Variants in ZNF578 observed in about 807,000 individuals in gnomAD.
ZNF578 encodes the protein Putative chemokine-related protein B42.
A neutral mutation model predicts 8.3 loss-of-function variants in ZNF578; 8 were observed. That is an observed-to-expected ratio of 0.96 (90% CI 0.56 to 1.74). The LOEUF is 1.74. Ranked by LOEUF, ZNF578 falls within the 40% of genes most tolerant of loss-of-function variation. The pLI is 0.00. For synonymous variants in ZNF578, 206 were observed against 232.2 expected, an observed-to-expected ratio of 0.89 and a Z score of 1.03; for missense variants, 726 against 707.5, an observed-to-expected ratio of 1.03 and a Z score of -0.30.
At chr19:52,498,683 G>GC (rs1465259327) in intron 3 of ZNF578, among the ~76,000 whole-genome samples, 3 of 61,704 alleles carry the variant, frequency 4.9e-5, no homozygotes, top group African/African-American at 3.7e-4. Flanking sequence ...TCGCCTGGCC[G>GC]CTTTTTTTTT....
intron 2 of ZNF578, among the ~76,000 whole-genome samples, chr19:52,470,001 C>A (rs569762798): frequency 1.3e-5 from 2 of 152,228 alleles, no homozygotes; most frequent in Admixed American, 1.3e-4. Context: ...GAGCATGTAA[C>A]TTGACATGGG....
At chr19:52,506,171 T>G (rs2059424944) in intron 5 of ZNF578, among the ~76,000 whole-genome samples, 1 of 152,154 alleles carries the variant, frequency 6.6e-6, no homozygotes, top group African/African-American at 2.4e-5. Context: ...ACTGCTGGGA[T>G]TACAGTCATG....
chr19:52,510,455 G>T (rs2059440383), intron 5 of ZNF578, 117 bp from the exon 6 acceptor site: 5 of 1,327,592 alleles, frequency 3.8e-6, no homozygotes, highest in Admixed American at 5.5e-5. Context: ...CGTAAACTTT[G>T]AAGATCATGT....
At chr19:52,498,704 A>G (rs1215657702) in intron 3 of ZNF578, among the ~76,000 whole-genome samples, 10 of 47,056 alleles carry the variant, frequency 2.1e-4, no homozygotes, top group South Asian at 5.8e-4. Context: ...TTTTTTTTGT[A>G]AGACAGAGTG....
At position 52,512,002 on chromosome 19, in the gene ZNF578, T is replaced by A. The variant is rs2059450309; in HGVS notation, c.1621T>A (p.Cys541Ser). The A allele has an allele frequency of 6.2e-7, 1 of 1,613,956 alleles. No homozygotes were observed. Among genetic ancestry groups the A allele is most frequent in the African/African-American group, 1.3e-5 (1 of 74,896 alleles). Reference protein sequence around the residue: ...RLHTGEKPYKCKVCDKAFMCH... With the variant: ...RLHTGEKPYKSKVCDKAFMCH... ...TCATACTGGAGAGAAACCTTACAAA[T>A]GTAAGGTTTGTGACAAGGCTTTCAT... is the stretch of plus-strand genomic sequence containing the variant. The change falls in exon 6 of 6, where the codon TGT becomes AGT. Residue 541 changes from cysteine (C) to serine (S), a missense_variant. Cys to Ser is a moderately radical substitution (Grantham distance 112). Transcript: ENST00000421239.
rs2059343690 is a variant in ZNF578 at position 52,485,860 on chromosome 19, A to T, written c.-121-5464A>T. 2.0e-5 allele frequency among the ~76,000 whole-genome samples: 3 copies of T among 152,196 alleles called. No individual in the cohort carries two copies. The South Asian group carries it at 6.2e-4, about 32-fold the overall frequency. On this transcript the variant is annotated intron_variant, in intron 2 of 5. Coordinates refer to ENST00000421239, the MANE Select transcript of ZNF578 (RefSeq NM_001099694.2). ...GGCTGCAAGGACCTCTGCCTAGGAA[A>T]GCCAGGTATTGTCCAAGGTTTCTCC...
chr19:52,487,629 TTTTAA>T (rs1166066546), intron 2 of ZNF578, among the ~76,000 whole-genome samples: 1 of 152,124 alleles, frequency 6.6e-6, no homozygotes, highest in Admixed American at 6.5e-5. Flanking sequence ...TACATAATAC[TTTTAA>T]TTAAATAATA....
chr19:52,488,159 C>T (rs1317447664), intron 2 of ZNF578, among the ~76,000 whole-genome samples: 9 of 152,044 alleles, frequency 5.9e-5, no homozygotes. Context: ...TCATGTTGGT[C>T]CAGGCTGGTC....
At chr19:52,489,054 G>A (rs1393028356) in intron 2 of ZNF578, among the ~76,000 whole-genome samples, 5 of 151,886 alleles carry the variant, frequency 3.3e-5, no homozygotes, top group South Asian at 2.1e-4. Flanking sequence ...AGCCACGATC[G>A]CACCACTGCC....
intron 2 of ZNF578, among the ~76,000 whole-genome samples, chr19:52,482,351 T>TGGACATCA (rs1376184437): frequency 1.3e-5 from 2 of 150,402 alleles, no homozygotes. Flanking sequence ...GATTTTAAAA[T>TGGACATCA]GGACATCAGG....
rs995085569 is a variant in ZNF578 at position 52,512,310 on chromosome 19, C to G, written c.*156C>G. On this transcript the variant is annotated 3_prime_UTR_variant, in exon 6 of 6. Transcript: ENST00000421239. Reference sequence around the variant, plus strand: ...GCCTTTAGTGACCAGTCAACACTTACCATCAGGCCATTCATGGTGTAGGGA... The same window carrying G: ...GCCTTTAGTGACCAGTCAACACTTAGCATCAGGCCATTCATGGTGTAGGGA... 6.5e-7 allele frequency: 1 copy of G among 1,544,546 alleles called. No individual in the cohort carries two copies. The highest frequency in any genetic ancestry group is 2.2e-5 in the East Asian group (1 of 44,506).
Position 52,483,629 on chromosome 19 carries a change from A to G in ZNF578, c.-121-7695A>G, listed in dbSNP as rs755090650. 1.2e-3 allele frequency among the ~76,000 whole-genome samples: 177 copies of G among 152,236 alleles called. 1 individual carries two copies. Among genetic ancestry groups the G allele is most frequent in the Non-Finnish European group, 2.2e-3 (147 of 68,028 alleles). On this transcript the variant is annotated intron_variant, in intron 2 of 5. Coordinates refer to ENST00000421239, the MANE Select transcript of ZNF578 (RefSeq NM_001099694.2). ...TTTATTGTGCAGTTTGTTTTATACA[A>G]TGTTTTCTGTGATCTCAGTTTATAA...
At chr19:52,477,203 A>G (rs1270579580) in intron 2 of ZNF578, among the ~76,000 whole-genome samples, 1 of 152,128 alleles carries the variant, frequency 6.6e-6, no homozygotes, top group Non-Finnish European at 1.5e-5. Flanking sequence ...GAGCTTTGGT[A>G]GGTTTGTCTC....
chr19:52,482,549 A>G (rs1484883133), intron 2 of ZNF578, among the ~76,000 whole-genome samples: 1 of 152,020 alleles, frequency 6.6e-6, no homozygotes, highest in Non-Finnish European at 1.5e-5. Context: ...GAGGCAGGAC[A>G]GTTGCTTGAA....
intron 2 of ZNF578, among the ~76,000 whole-genome samples, chr19:52,459,636 C>T (rs565125222): frequency 2.7e-4 from 37 of 138,914 alleles, no homozygotes; most frequent in African/African-American, 9.4e-4. Context: ...CACACACACA[C>T]ACACACACAC....
chr19:52,491,753 A>G (rs1301177978), intron 3 of ZNF578, among the ~76,000 whole-genome samples: 3 of 152,162 alleles, frequency 2.0e-5, no homozygotes, highest in African/African-American at 4.8e-5. Flanking sequence ...AGAAAAAGTA[A>G]TAGATCTCTT....
In ZNF578 at chr19:52,504,508, GA is replaced by G. The variant is rs2059418473; in HGVS notation, c.64-139del. On this transcript the variant is annotated intron_variant, in intron 4 of 5. Coordinates refer to ENST00000421239, the MANE Select transcript of ZNF578 (RefSeq NM_001099694.2). ...AAGTACAATAAAATGCAACTATTGA[GA>G]AAAAAAATTCAAAAATACCTTAACG... 1.1e-5 allele frequency: 17 copies of G among 1,494,730 alleles called. No homozygotes were observed. In the South Asian group the frequency reaches 1.9e-4, roughly 17 times the overall value. 92.6% of individuals were successfully genotyped at this position (1,494,730 alleles called of 1,614,324 possible).
At chr19:52,507,718 G>C (rs928493378) in intron 5 of ZNF578, among the ~76,000 whole-genome samples, 1 of 152,180 alleles carries the variant, frequency 6.6e-6, no homozygotes, top group Non-Finnish European at 1.5e-5. Flanking sequence ...GGGGGAAAGA[G>C]GAGCAGGCAA....
chr19:52,504,641 G>A lies in ZNF578; in HGVS notation c.64-14G>A, dbSNP rs536729230. On this transcript the variant is annotated splice_polypyrimidine_tract_variant and intron_variant, in intron 4 of 5. Transcript: ENST00000421239. The stretch of plus-strand genomic sequence containing the variant: ...CCTCCATAATGTTTTGTTGAAATGT[G>A]TGTTTCATTTTAGGGACGCTTGACT... 121 of 1,613,726 alleles carry A rather than the reference G, an allele frequency of 7.5e-5. No homozygotes were observed. The highest frequency in any genetic ancestry group is 8.8e-5 in the Non-Finnish European group (104 of 1,179,898).
Sources: gnomAD v4.1 joint callset for allele counts (sites outside exome capture counted in the v4.1 genomes callset) on GRCh38, gnomAD v4.1.1 for gene constraint, MANE v1.5 for transcripts, NCBI Gene and HGNC (gene_info 2026-07-23, HGNC 2026-07-21) for gene names.